Variants in BRD4 observed in about 807,000 individuals in gnomAD.
BRD4 encodes the protein bromodomain-containing protein 4.
Under a neutral mutation model 142.1 loss-of-function variants are expected in BRD4, and 16 were observed. That is an observed-to-expected ratio of 0.11 (90% CI 0.08 to 0.17). BRD4 has a LOEUF of 0.17. BRD4 is among the 10% of genes least tolerant of loss of function. BRD4 has a pLI of 1.00. For synonymous variants in BRD4, 833 were observed against 707.5 expected (o/e 1.18, Z -2.82); for missense variants, 1,424 against 1,810.9 (o/e 0.79, Z 3.88).
rs2047857960 is a variant in BRD4 at position 15,300,431 on chromosome 19, T to C, written c.-34-27298A>G. 3.3e-5 allele frequency among the ~76,000 whole-genome samples: 5 copies of C among 151,486 alleles called. No individual in the cohort carries two copies. The South Asian group carries it at 1.0e-3, about 32-fold the overall frequency. On this transcript the variant is annotated intron_variant, in intron 1 of 19. Transcript: ENST00000679869. ...AAAGCCAGGTGTGGCGGTGGGTGCCTGTAATCCCAGCTACTTGGGAGGCTG... is the reference window on the plus strand; with the variant it reads ...AAAGCCAGGTGTGGCGGTGGGTGCCCGTAATCCCAGCTACTTGGGAGGCTG...
intron 1 of BRD4, among the ~76,000 whole-genome samples, chr19:15,323,118 G>A (rs1368448487): frequency 7.5e-6 from 1 of 132,960 alleles, no homozygotes; most frequent in African/African-American, 2.9e-5. Context: ...GAGGCAGGAG[G>A]ATCATTTGAA....
intron 1 of BRD4, among the ~76,000 whole-genome samples, chr19:15,290,967 G>A (rs561151524): frequency 5.3e-5 from 8 of 152,142 alleles, no homozygotes; most frequent in Non-Finnish European, 1.5e-5. Flanking sequence ...AGACGCATAT[G>A]GTATTTTTTT....
At chr19:15,331,770 G>C (rs1568416271) in intron 1 of BRD4, 2 of 150,362 alleles carry the variant, frequency 1.3e-5, no homozygotes, top group East Asian at 2.0e-4. Context: ...CCGCGGCCGA[G>C]CCCGCCTAGA....
intron 1 of BRD4, among the ~76,000 whole-genome samples, chr19:15,318,136 A>G (rs1310773385): frequency 6.6e-6 from 1 of 152,212 alleles, no homozygotes; most frequent in African/African-American, 2.4e-5. Context: ...GAAAGGGGAA[A>G]CTGCTTAAGT....
intron 1 of BRD4, among the ~76,000 whole-genome samples, chr19:15,328,700 G>A (rs35164512): frequency 0.17 from 25,206 of 152,146 alleles, 2,189 homozygotes; most frequent in Middle Eastern, 0.2. Context: ...TGCTCTTCTA[G>A]GCACAAGATA....
chr19:15,298,219 G>GT (rs1333995904), intron 1 of BRD4, among the ~76,000 whole-genome samples: 2 of 152,240 alleles, frequency 1.3e-5, no homozygotes, highest in Non-Finnish European at 2.9e-5. Flanking sequence ...AACACTTAGC[G>GT]TAAGCACTGA....
intron 1 of BRD4, among the ~76,000 whole-genome samples, chr19:15,281,273 T>C (rs1036731833): frequency 2.0e-5 from 3 of 150,550 alleles, no homozygotes; most frequent in African/African-American, 7.3e-5. Flanking sequence ...CTCTTGACTC[T>C]GCAGTACCCC....
At chr19:15,327,926 GGGGGT>G (rs2048123577) in intron 1 of BRD4, among the ~76,000 whole-genome samples, 1 of 119,538 alleles carries the variant, frequency 8.4e-6, no homozygotes, top group Non-Finnish European at 1.8e-5. Context: ...TTTGGGGGGG[GGGGGT>G]GGAAATGTCC....
intron 1 of BRD4, among the ~76,000 whole-genome samples, chr19:15,302,620 G>T (rs2047878817): frequency 7.6e-6 from 1 of 131,200 alleles, no homozygotes; most frequent in African/African-American, 2.9e-5. Context: ...AGTGAGCTGA[G>T]ATCGTGCCAC....
intron 1 of BRD4, among the ~76,000 whole-genome samples, chr19:15,313,168 G>C (rs373309017): frequency 1.3e-5 from 2 of 149,854 alleles, no homozygotes; most frequent in Admixed American, 6.7e-5. Flanking sequence ...TCAGGAGATC[G>C]AGACCATCCT....
intron 7 of BRD4, among the ~76,000 whole-genome samples, chr19:15,259,848 G>C (rs548640374): frequency 5.3e-5 from 8 of 152,354 alleles, no homozygotes; most frequent in Admixed American, 4.6e-4. Context: ...CCATGAACTG[G>C]AAGTGTGCTG....
intron 1 of BRD4, among the ~76,000 whole-genome samples, chr19:15,326,529 A>T (rs1289984177): frequency 6.6e-6 from 1 of 152,196 alleles, no homozygotes; most frequent in African/African-American, 2.4e-5. Context: ...ACTTCACTAC[A>T]ACCAAATTGT....
chr19:15,274,478 G>C (rs1015012998), intron 1 of BRD4, among the ~76,000 whole-genome samples: 1 of 152,164 alleles, frequency 6.6e-6, no homozygotes, highest in African/African-American at 2.4e-5. Context: ...TCTATGATTA[G>C]ATTTCTCCTA....
chr19:15,285,418 C>T (rs36045741), intron 1 of BRD4, among the ~76,000 whole-genome samples: 20,846 of 152,144 alleles, frequency 0.14, 1,679 homozygotes, highest in Middle Eastern at 0.2. Flanking sequence ...TGGTGGTGCA[C>T]GCCTGTGGTC....
chr19:15,241,805 CTTTTT>C (rs906788611), intron 14 of BRD4, among the ~76,000 whole-genome samples: 10 of 104,320 alleles, frequency 9.6e-5, no homozygotes, highest in South Asian at 3.4e-4. Flanking sequence ...TGGCACCTGA[CTTTTT>C]TTTTTTTTTT....
At chr19:15,320,848 C>T (rs1174431934) in intron 1 of BRD4, among the ~76,000 whole-genome samples, 1 of 152,246 alleles carries the variant, frequency 6.6e-6, no homozygotes, top group East Asian at 1.9e-4. Context: ...GAACTGTTTT[C>T]CACTAATTCT....
At chr19:15,296,642 T>A (rs543485031) in intron 1 of BRD4, among the ~76,000 whole-genome samples, 1 of 152,052 alleles carries the variant, frequency 6.6e-6, no homozygotes, top group African/African-American at 2.4e-5. Context: ...GCCAAAAGGA[T>A]CTGGATGTGA....
In BRD4 at chr19:15,244,418, T is replaced by C. The variant is rs757651260; in HGVS notation, c.2394A>G (p.Pro798=). The change falls in exon 13 of 20, where the codon CCA becomes CCG. Residue 798 remains proline, a synonymous_variant. Transcript: ENST00000679869. ...CGGGCACCTGGGTGGCAATGAAGGG[T>C]GGGGGCGAGGACTTCATCGCCGGGG... ...QAAPAMKSSP[P]PFIATQVPVL... 1.6e-6 allele frequency: 2 copies of C among 1,257,162 alleles called. No individual in the cohort carries two copies. The highest frequency in any genetic ancestry group is 1.3e-5 in the South Asian group (1 of 78,790). 77.9% of individuals were successfully genotyped at this position (1,257,162 alleles called of 1,614,324 possible). A position where few individuals can be genotyped will look rare whatever the true frequency, so the allele number is the denominator to read the frequency against.
At chr19:15,278,265 C>T (rs1049543809) in intron 1 of BRD4, among the ~76,000 whole-genome samples, 6 of 151,008 alleles carry the variant, frequency 4.0e-5, no homozygotes, top group East Asian at 4.0e-4. Context: ...CCAGGCATGG[C>T]GGGCCACACC....
Sources: gnomAD v4.1 joint callset for allele counts (sites outside exome capture counted in the v4.1 genomes callset) on GRCh38, gnomAD v4.1.1 for gene constraint, MANE v1.5 for transcripts, NCBI Gene and HGNC (gene_info 2026-07-23, HGNC 2026-07-21) for gene names.